MLIP: variants seen among roughly 807,000 people sequenced by gnomAD.
The protein encoded by MLIP is muscular LMNA interacting protein, also known as muscular LMNA-interacting protein.
In MLIP, 79 loss-of-function variants were observed where a neutral mutation model predicts 84.8. The observed-to-expected ratio is 0.93, with a 90% CI of 0.78 to 1.12. The LOEUF is 1.12. MLIP is among the 50% of genes most tolerant of loss of function. The pLI is 0.00. For missense variants in MLIP, 1,257 were observed against 1,160.6 expected (o/e 1.08, Z -1.21); for synonymous variants, 504 against 463.0 (o/e 1.09, Z -1.14).
At chr6:54,179,855 T>C (rs1776672609) in intron 9 of MLIP, among the ~76,000 whole-genome samples, 1 of 152,162 alleles carries the variant, frequency 6.6e-6, no homozygotes, top group South Asian at 2.1e-4. Flanking sequence ...AGTGTTATAA[T>C]ATTCTGTGTT....
At chr6:54,091,543 C>T (rs1483318676) in intron 1 of MLIP, among the ~76,000 whole-genome samples, 1 of 152,094 alleles carries the variant, frequency 6.6e-6, no homozygotes. Flanking sequence ...CTGACTTAGT[C>T]TTGCCTATAG....
At chr6:54,264,577 G>A (rs1440085456) in intron 13 of MLIP, among the ~76,000 whole-genome samples, 2 of 152,014 alleles carry the variant, frequency 1.3e-5, no homozygotes, top group Admixed American at 6.6e-5. Flanking sequence ...AAAATACATG[G>A]CACTTAAAAA....
Position 54,252,473 on chromosome 6 carries a change from TATA to T in MLIP, c.2923-4831_2923-4829del, listed in dbSNP as rs1782698241. Reference sequence around the variant, plus strand: ...AGTATATTATAACATATAATATAAATATAATATATTATAACATAATATAAATAT... The same window carrying T: ...AGTATATTATAACATATAATATAAATATATATTATAACATAATATAAATAT... On this transcript the variant is annotated intron_variant, in intron 12 of 13. Coordinates refer to ENST00000502396, the MANE Select transcript of MLIP (RefSeq NM_001281747.2). Among the ~76,000 whole-genome samples the T allele has an allele frequency of 2.2e-5, 3 of 138,304 alleles. No individual in the cohort carries two copies. The South Asian group carries it at 6.4e-4, about 30-fold the overall frequency. The allele number at this position is 138,304 out of a possible 152,430, so 90.7% of individuals were successfully genotyped here.
At chr6:54,195,465 C>T (rs1205350798) in intron 10 of MLIP, among the ~76,000 whole-genome samples, 1 of 152,010 alleles carries the variant, frequency 6.6e-6, no homozygotes, top group Non-Finnish European at 1.5e-5. Flanking sequence ...TGTAAAAACC[C>T]ATTATTTAAA....
intron 1 of MLIP, among the ~76,000 whole-genome samples, chr6:54,082,653 A>G (rs1009974019): frequency 2.0e-5 from 3 of 152,158 alleles, no homozygotes; most frequent in Non-Finnish European, 4.4e-5. Flanking sequence ...GTTGCTCCAC[A>G]TTCTCACTAG....
At chr6:54,038,773 G>A (rs1003905123) in intron 1 of MLIP, among the ~76,000 whole-genome samples, 28 of 151,704 alleles carry the variant, frequency 1.8e-4, no homozygotes, top group African/African-American at 5.1e-4. Flanking sequence ...ATTATATATC[G>A]CTTTCTTTTG....
chr6:54,172,486 CA>C (rs1775866566), intron 9 of MLIP, among the ~76,000 whole-genome samples: 1 of 151,372 alleles, frequency 6.6e-6, no homozygotes, highest in Non-Finnish European at 1.5e-5. Flanking sequence ...AGATAGTAAA[CA>C]GTTAAAATAG....
At chr6:54,253,112 T>C (rs1282018793) in intron 12 of MLIP, among the ~76,000 whole-genome samples, 4 of 152,126 alleles carry the variant, frequency 2.6e-5, no homozygotes, top group African/African-American at 7.2e-5. Flanking sequence ...AACGAGTTAG[T>C]TTTAGTTATT....
chr6:54,262,282 C>T (rs938107621), intron 13 of MLIP, among the ~76,000 whole-genome samples: 2 of 151,896 alleles, frequency 1.3e-5, no homozygotes, highest in African/African-American at 4.8e-5. Flanking sequence ...TAACATTGAA[C>T]CAGAATGTGA....
At chr6:54,130,746 T>G (rs1771306583) in intron 3 of MLIP, among the ~76,000 whole-genome samples, 1 of 152,106 alleles carries the variant, frequency 6.6e-6, no homozygotes, top group Admixed American at 6.6e-5. Context: ...TCAGAAAGGG[T>G]TCACAGAGGC....
intron 1 of MLIP, among the ~76,000 whole-genome samples, chr6:54,037,004 A>G (rs1764483553): frequency 6.6e-6 from 1 of 152,050 alleles, no homozygotes; most frequent in African/African-American, 2.4e-5. Context: ...ATATTCTTGC[A>G]GTATTACCCT....
intron 11 of MLIP, among the ~76,000 whole-genome samples, chr6:54,221,498 G>T (rs1780217254): frequency 6.6e-6 from 1 of 151,778 alleles, no homozygotes; most frequent in African/African-American, 2.4e-5. Context: ...AAAATGGGCA[G>T]GTTGAATTCA....
intron 5 of MLIP, among the ~76,000 whole-genome samples, chr6:54,159,520 CG>C (rs1774393517): frequency 6.6e-6 from 1 of 152,014 alleles, no homozygotes; most frequent in Admixed American, 6.6e-5. Context: ...GTAGAGTCAA[CG>C]CTTGCAAGAA....
intron 1 of MLIP, chr6:54,083,445 G>A (rs1767291154): frequency 6.6e-7 from 1 of 1,514,988 alleles, no homozygotes; most frequent in African/African-American, 1.4e-5. Context: ...ACAGTGCTTT[G>A]TCATCTTTGC....
At chr6:54,164,509 A>G (rs1178845822) in intron 8 of MLIP, among the ~76,000 whole-genome samples, 1 of 151,922 alleles carries the variant, frequency 6.6e-6, no homozygotes, top group African/African-American at 2.4e-5. Context: ...CCATCCTTTT[A>G]GTTTACAGCT....
intron 1 of MLIP, among the ~76,000 whole-genome samples, chr6:54,084,779 GC>G (rs1203498408): frequency 2.0e-5 from 3 of 152,094 alleles, no homozygotes; most frequent in Admixed American, 2.0e-4. Context: ...TATTGTAAAG[GC>G]ATTTTAATCT....
chr6:54,156,784 C>T (rs990163125), intron 5 of MLIP, among the ~76,000 whole-genome samples: 1 of 151,984 alleles, frequency 6.6e-6, no homozygotes, highest in African/African-American at 2.4e-5. Flanking sequence ...ATTCTCTATC[C>T]TGGGCCTACA....
At chr6:54,081,664 C>T (rs1383647186) in intron 1 of MLIP, among the ~76,000 whole-genome samples, 6 of 152,076 alleles carry the variant, frequency 3.9e-5, no homozygotes, top group Non-Finnish European at 5.9e-5. Context: ...CCACCCGCCC[C>T]GGCCTCCCAA....
intron 1 of MLIP, among the ~76,000 whole-genome samples, chr6:54,093,702 T>C (rs1295763476): frequency 6.6e-6 from 1 of 152,188 alleles, no homozygotes; most frequent in Non-Finnish European, 1.5e-5. Context: ...TGTGACCCAT[T>C]ACTCCTGTGC....
Sources: allele counts gnomAD v4.1 joint callset (sites outside exome capture counted in the v4.1 genomes callset), GRCh38; gene constraint gnomAD v4.1.1; transcripts MANE v1.5; gene names NCBI Gene and HGNC (gene_info 2026-07-23, HGNC 2026-07-21).